Variants in UNC45A observed in about 807,000 individuals in gnomAD.
UNC45A encodes the protein protein unc-45 homolog A.
UNC45A carries 78 observed loss-of-function variants against 103.2 expected under a neutral mutation model. The ratio of observed to expected loss-of-function variants is 0.76; its 90% CI spans 0.63 to 0.91. The LOEUF is 0.91. UNC45A is among the 40% of genes least tolerant of loss of function. The pLI, the probability that UNC45A is intolerant of heterozygous loss-of-function variation, is 0.00. For synonymous variants in UNC45A, 495 were observed against 504.6 expected (o/e 0.98, Z 0.25); for missense variants, 1,193 against 1,224.8 (o/e 0.97, Z 0.39).
Position 90,953,789 on chromosome 15 carries a change from C to A in UNC45A, c.*73C>A. 6.5e-7 allele frequency: 1 copy of A among 1,547,980 alleles called. No homozygotes were observed. Among genetic ancestry groups the A allele is most frequent in the East Asian group, 2.4e-5 (1 of 41,962 alleles). ...GCACGGAGAGTAAGGACGGAAGCAG[C>A]TTTGGCTGGTGGTGGCTGGCATGCC... On this transcript the variant is annotated 3_prime_UTR_variant, in exon 20 of 20. Coordinates refer to ENST00000418476, the MANE Select transcript of UNC45A (RefSeq NM_018671.5).
At position 90,935,928 on chromosome 15, in the gene UNC45A, C is replaced by T. The variant is rs144441433; in HGVS notation, c.214-18C>T. The T allele has an allele frequency of 6.8e-6, 11 of 1,614,112 alleles. No individual in the cohort carries two copies. The highest frequency in any genetic ancestry group is 1.3e-5 in the African/African-American group (1 of 75,046). On this transcript the variant is annotated intron_variant, in intron 2 of 19. Transcript: ENST00000418476. ...AGGGAGATGACCATTCCTTCAGGCT[C>T]CTGTCTTTCTCTTACAGGAAGATTA...
upstream of UNC45A, chr15:90,931,177 G>T: frequency 7.1e-7 from 1 of 1,414,368 alleles, no homozygotes; most frequent in Non-Finnish European, 9.7e-7. Flanking sequence ...ATCTGGGAAG[G>T]ATGGAGGGAG....
In UNC45A at chr15:90,936,317, C is replaced by T. The variant is rs751816588; in HGVS notation, c.283C>T (p.Leu95Phe). 6.8e-6 allele frequency: 11 copies of T among 1,613,850 alleles called. No individual in the cohort carries two copies. The South Asian group carries it at 1.2e-4, about 18-fold the overall frequency. Residue 95 changes from leucine (L) to phenylalanine (F), a missense_variant, in exon 4 of 20, where the codon CTC becomes TTC. Physicochemically the swap from Leu to Phe is conservative, Grantham distance 22 (BLOSUM62 0). Transcript: ENST00000418476. Reference sequence around the variant, plus strand: ...AAAGGATGGTGGGGATGTCAAAGCACTCTACCGGCGGAGCCAAGCCCTAGA... The same window carrying T: ...AAAGGATGGTGGGGATGTCAAAGCATTCTACCGGCGGAGCCAAGCCCTAGA... ...IEKDGGDVKA[L>F]YRRSQALEKL...
chr15:90,936,202 C>CCTTTCCTCG, intron 3 of UNC45A, 83 bp from the exon 4 acceptor site: 1 of 1,541,328 alleles, frequency 6.5e-7, no homozygotes, highest in Non-Finnish European at 8.7e-7. Context: ...CTTCTTCTGG[C>CCTTTCCTCG]CTTTCCTCGA....
At position 90,942,978 on chromosome 15, in the gene UNC45A, C is replaced by G. The variant is rs2036370554; in HGVS notation, c.923C>G (p.Ser308Cys). The change falls in exon 8 of 20, where the codon TCT becomes TGT. Residue 308 changes from serine to cysteine, a missense_variant. By Grantham distance (112) the Ser-to-Cys change is moderately radical. Coordinates refer to ENST00000418476, the MANE Select transcript of UNC45A (RefSeq NM_018671.5). ...GATCTGCTGACAGAGGTGGGGGTCT[C>G]TGGCCAAGGCCGAGACAATGCCCTG... ...LLDLLTEVGVSGQGRDNALTL... is the reference protein window; with the variant it reads ...LLDLLTEVGVCGQGRDNALTL... The G allele has an allele frequency of 1.2e-6, 2 of 1,614,090 alleles. No individual in the cohort carries two copies. Among genetic ancestry groups the G allele is most frequent in the Non-Finnish European group, 1.7e-6 (2 of 1,180,038 alleles).
In UNC45A at chr15:90,953,808, G is replaced by T; in HGVS notation, c.*92G>T. ...AAGCAGCTTTGGCTGGTGGTGGCTGGCATGCCCAATACTCTTGCCCATCCT... is the reference window on the plus strand; with the variant it reads ...AAGCAGCTTTGGCTGGTGGTGGCTGTCATGCCCAATACTCTTGCCCATCCT... On this transcript the variant is annotated 3_prime_UTR_variant, in exon 20 of 20. Coordinates refer to ENST00000418476, the MANE Select transcript of UNC45A (RefSeq NM_018671.5). 6.6e-7 allele frequency: 1 copy of T among 1,512,926 alleles called. No individual in the cohort carries two copies. The highest frequency in any genetic ancestry group is 8.9e-7 in the Non-Finnish European group (1 of 1,122,556). The allele number at this position is 1,512,926 out of a possible 1,614,324, so 93.7% of individuals were successfully genotyped here. A position where few individuals can be genotyped will look rare whatever the true frequency, so the allele number is the denominator to read the frequency against.
At chr15:90,936,634 G>A (rs911792672) in intron 4 of UNC45A, among the ~76,000 whole-genome samples, 174 bp downstream of exon 4, 5 of 152,322 alleles carry the variant, frequency 3.3e-5, no homozygotes, top group African/African-American at 1.2e-4. Flanking sequence ...GGTCTGTCTG[G>A]CAGATATTTA....
chr15:90,938,166 C>T (rs1007967157), intron 4 of UNC45A, among the ~76,000 whole-genome samples: 50 of 152,132 alleles, frequency 3.3e-4, no homozygotes, highest in African/African-American at 1.0e-3. Flanking sequence ...AATGATAACA[C>T]GGTGACCCCT....
intron 4 of UNC45A, among the ~76,000 whole-genome samples, chr15:90,938,586 T>C (rs1011824263): frequency 1.3e-5 from 2 of 152,128 alleles, no homozygotes; most frequent in Non-Finnish European, 2.9e-5. Flanking sequence ...GTGGTCCACA[T>C]GCTAGGCTTG....
rs17635974 is a variant in UNC45A at position 90,935,314 on chromosome 15, A to G, written c.-11A>G. The G allele has an allele frequency of 3.1e-6, 5 of 1,599,116 alleles. No homozygotes were observed. The highest frequency in any genetic ancestry group is 4.3e-6 in the Non-Finnish European group (5 of 1,174,880). On this transcript the variant is annotated 5_prime_UTR_variant, in exon 1 of 20. Coordinates refer to ENST00000418476, the MANE Select transcript of UNC45A (RefSeq NM_018671.5). ...ACTGCGCCTGCGCGGGCACGAGACA[A>G]CCTCTCCGCGATGACTGTGAGTGGT...
chr15:90,948,323 C>G, intron 12 of UNC45A, 40 bp downstream of exon 12: 1 of 1,609,174 alleles, frequency 6.2e-7, no homozygotes. Context: ...GGGACACTGT[C>G]TAGGATTAGA....
At position 90,935,302 on chromosome 15, in the gene UNC45A, G is replaced by T. The variant is rs753246384; in HGVS notation, c.-23G>T. ...CCCGCCCCAGAGACTGCGCCTGCGC[G>T]GGCACGAGACAACCTCTCCGCGATG... is the stretch of plus-strand genomic sequence containing the variant. On this transcript the variant is annotated 5_prime_UTR_variant, in exon 1 of 20. Transcript: ENST00000418476. 1 of 1,595,866 alleles carries T rather than the reference G, an allele frequency of 6.3e-7. No individual in the cohort carries two copies. The highest frequency in any genetic ancestry group is 8.5e-7 in the Non-Finnish European group (1 of 1,173,920).
At chr15:90,946,522 G>A in intron 9 of UNC45A, 92 bp from the exon 10 acceptor site, 1 of 1,403,322 alleles carries the variant, frequency 7.1e-7, no homozygotes, top group Non-Finnish European at 9.5e-7. Context: ...TGCCCAAGTA[G>A]TGCAGGTGCC....
At chr15:90,935,446 T>C in intron 1 of UNC45A, 71 bp downstream of exon 1, 2 of 1,574,126 alleles carry the variant, frequency 1.3e-6, no homozygotes, top group Non-Finnish European at 1.7e-6. Flanking sequence ...CTTCTCCCCA[T>C]CCATGAGGCT....
chr15:90,930,795 G>T (rs895449344), upstream of UNC45A: 1 of 175,246 alleles, frequency 5.7e-6, no homozygotes, highest in Non-Finnish European at 1.2e-5. Flanking sequence ...AGGAAGCCAG[G>T]TTCGGAGGGG....
At chr15:90,934,026 T>A (rs1209126543), upstream of UNC45A, 1 of 398,700 alleles carries the variant, frequency 2.5e-6, no homozygotes, top group African/African-American at 2.1e-5. Flanking sequence ...AGGACAGAGG[T>A]GGTAGTGAAC....
intron 7 of UNC45A, 113 bp downstream of exon 7, chr15:90,942,718 A>C: frequency 6.4e-7 from 1 of 1,561,904 alleles, no homozygotes; most frequent in South Asian, 1.1e-5. Context: ...GGTTGTTTGG[A>C]ATACGGTTTG....
chr15:90,942,032 C>T (rs1037685493), intron 6 of UNC45A, among the ~76,000 whole-genome samples: 6 of 151,586 alleles, frequency 4.0e-5, no homozygotes, highest in African/African-American at 7.3e-5. Flanking sequence ...GTGTACGTGA[C>T]GTCCACATCC....
chr15:90,946,725 T>G lies in UNC45A; in HGVS notation c.1311T>G (p.Gly437=). ...GCAACCGGGCCTTGGAGCTGAGCGG[T>G]GTCATGGAGAGTGTGATTGCTCTGT... is the stretch of plus-strand genomic sequence containing the variant. ...DAGNRALELS[G]VMESVIALCA... The change falls in exon 10 of 20, where the codon GGT becomes GGG. Residue 437 remains glycine, a synonymous_variant. Transcript: ENST00000418476. 1 of 1,613,482 alleles carries G rather than the reference T, an allele frequency of 6.2e-7. No individual in the cohort carries two copies. Among genetic ancestry groups the G allele is most frequent in the Non-Finnish European group, 8.5e-7 (1 of 1,179,998 alleles).
Sources: gnomAD v4.1 joint callset for allele counts (sites outside exome capture counted in the v4.1 genomes callset) on GRCh38, gnomAD v4.1.1 for gene constraint, MANE v1.5 for transcripts, NCBI Gene and HGNC (gene_info 2026-07-23, HGNC 2026-07-21) for gene names.